PLCB1: variants seen among roughly 807,000 people sequenced by gnomAD.
PLCB1 encodes the protein phospholipase C beta 1.
A neutral mutation model predicts 161.8 loss-of-function variants in PLCB1; 46 were observed. That is an observed-to-expected ratio of 0.28 (90% confidence interval 0.22 to 0.36). The LOEUF is 0.36. PLCB1 is among the 10% of genes least tolerant of loss of function. The pLI is 1.00. For missense variants in PLCB1, 1,016 were observed against 1,472.5 expected (o/e 0.69, Z 5.07); for synonymous variants, 517 against 503.7 (o/e 1.03, Z -0.35).
At chr20:8,783,578 A>T (rs1181794003) in intron 27 of PLCB1, among the ~76,000 whole-genome samples, 3 of 151,958 alleles carry the variant, frequency 2.0e-5, no homozygotes, top group Admixed American at 1.3e-4. Context: ...TATTCTTTTG[A>T]TTGCAAGCCA....
intron 2 of PLCB1, among the ~76,000 whole-genome samples, chr20:8,189,186 A>G (rs1014499429): frequency 3.3e-5 from 5 of 151,724 alleles, no homozygotes; most frequent in African/African-American, 7.3e-5. Context: ...TTCACTTAGC[A>G]TAATGGCTTC....
At chr20:8,158,733 G>T (rs925332205) in intron 2 of PLCB1, among the ~76,000 whole-genome samples, 7 of 152,192 alleles carry the variant, frequency 4.6e-5, no homozygotes, top group African/African-American at 1.7e-4. Context: ...CCAAATGGGA[G>T]AAATTGGCCA....
chr20:8,386,934 A>G (rs189938383), intron 3 of PLCB1, among the ~76,000 whole-genome samples: 5 of 152,312 alleles, frequency 3.3e-5, no homozygotes, highest in Non-Finnish European at 7.4e-5. Context: ...TTTCTTTTGC[A>G]GCTTTCTAGC....
At chr20:8,297,253 A>T (rs1401746717) in intron 2 of PLCB1, among the ~76,000 whole-genome samples, 1 of 152,194 alleles carries the variant, frequency 6.6e-6, no homozygotes, top group East Asian at 1.9e-4. Flanking sequence ...TTATAAGTAT[A>T]AAATGTACGT....
At chr20:8,763,986 G>A (rs1036217468) in intron 25 of PLCB1, among the ~76,000 whole-genome samples, 2 of 151,930 alleles carry the variant, frequency 1.3e-5, no homozygotes, top group East Asian at 2.0e-4. Flanking sequence ...CCAACATGGC[G>A]AAACCCCGTC....
At chr20:8,333,253 A>G (rs1016549426) in intron 2 of PLCB1, among the ~76,000 whole-genome samples, 3 of 152,208 alleles carry the variant, frequency 2.0e-5, no homozygotes, top group African/African-American at 7.2e-5. Flanking sequence ...ATGAATACCC[A>G]CATTGGATTT....
chr20:8,846,886 C>T (rs1986707859), intron 31 of PLCB1, among the ~76,000 whole-genome samples: 2 of 151,982 alleles, frequency 1.3e-5, no homozygotes, highest in South Asian at 4.1e-4. Context: ...TATCCTTCAC[C>T]ATAAGTCCCA....
chr20:8,806,078 A>G (rs1257282376), intron 31 of PLCB1, among the ~76,000 whole-genome samples: 3 of 152,216 alleles, frequency 2.0e-5, no homozygotes, highest in Non-Finnish European at 2.9e-5. Flanking sequence ...GGCATTAAAC[A>G]TCACAGGCAG....
rs142790355 is a variant in PLCB1 at position 8,548,885 on chromosome 20, G to A, written c.247-79409G>A. 8.9e-4 allele frequency among the ~76,000 whole-genome samples: 135 copies of A among 152,280 alleles called. 1 individual carries two copies. The highest frequency in any genetic ancestry group is 4.8e-3 in the Admixed American group (73 of 15,288). On this transcript the variant is annotated intron_variant, in intron 3 of 31. Coordinates refer to ENST00000338037, the MANE Select transcript of PLCB1 (RefSeq NM_015192.4). Reference sequence around the variant, plus strand: ...ATGTTGATCAAGAAGTAACCACTGCGAAATATTGGATGCCAAGAAAATAAG... The same window carrying A: ...ATGTTGATCAAGAAGTAACCACTGCAAAATATTGGATGCCAAGAAAATAAG...
intron 8 of PLCB1, among the ~76,000 whole-genome samples, chr20:8,657,869 A>G (rs950369182): frequency 1.3e-5 from 2 of 152,158 alleles, no homozygotes; most frequent in African/African-American, 4.8e-5. Context: ...ACAGAAAATC[A>G]ATACAAAATG....
chr20:8,432,035 G>T (rs143378756), intron 3 of PLCB1, among the ~76,000 whole-genome samples: 146 of 152,194 alleles, frequency 9.6e-4, no homozygotes, highest in Middle Eastern at 6.8e-3. Context: ...ATGTGGTGGT[G>T]GGGGTGGGAG....
At chr20:8,629,979 TTTCTTTCTTTCTTTCTTTC>T (rs1199216736) in intron 4 of PLCB1, among the ~76,000 whole-genome samples, 2 of 39,944 alleles carry the variant, frequency 5.0e-5, no homozygotes, top group African/African-American at 2.4e-4. Flanking sequence ...TCTTTCTTTC[TTTCTTTCTTTCTTTCTTTC>T]TTTCTTTCTT....
chr20:8,230,015 C>T (rs1600248323), intron 2 of PLCB1, among the ~76,000 whole-genome samples: 1 of 130,290 alleles, frequency 7.7e-6, no homozygotes, highest in East Asian at 2.6e-4. Flanking sequence ...ATGATCACAT[C>T]ACCACACTTC....
At chr20:8,671,371 G>T (rs941843245) in intron 9 of PLCB1, among the ~76,000 whole-genome samples, 4 of 152,070 alleles carry the variant, frequency 2.6e-5, no homozygotes, top group Admixed American at 6.5e-5. Context: ...CCTCATGTTG[G>T]CATGACAAGT....
At chr20:8,327,016 G>A (rs1985181252) in intron 2 of PLCB1, among the ~76,000 whole-genome samples, 2 of 152,218 alleles carry the variant, frequency 1.3e-5, no homozygotes, top group Admixed American at 1.3e-4. Context: ...CTCCTGAGTA[G>A]CTGGGACTAC....
chr20:8,396,694 G>T (rs1046878490), intron 3 of PLCB1, among the ~76,000 whole-genome samples: 1 of 151,958 alleles, frequency 6.6e-6, no homozygotes, highest in African/African-American at 2.4e-5. Context: ...AGTTGCCTTC[G>T]TGGTTTAGTA....
chr20:8,778,018 C>T (rs1409133362), intron 27 of PLCB1, among the ~76,000 whole-genome samples: 1 of 152,112 alleles, frequency 6.6e-6, no homozygotes, highest in African/African-American at 2.4e-5. Flanking sequence ...TACCTCCCAC[C>T]AGGTCCCGCC....
chr20:8,856,678 A>AT (rs1232301245), intron 31 of PLCB1, among the ~76,000 whole-genome samples: 1 of 152,228 alleles, frequency 6.6e-6, no homozygotes, highest in African/African-American at 2.4e-5. Flanking sequence ...TATTCAGTGT[A>AT]TATGAAGAGT....
intron 3 of PLCB1, among the ~76,000 whole-genome samples, chr20:8,601,268 A>G (rs1404273998): frequency 6.6e-6 from 1 of 152,194 alleles, no homozygotes; most frequent in Non-Finnish European, 1.5e-5. Context: ...GGTTTGTTAC[A>G]TAGGTAAACT....
Sources: allele counts gnomAD v4.1 joint callset (sites outside exome capture counted in the v4.1 genomes callset), GRCh38; gene constraint gnomAD v4.1.1; transcripts MANE v1.5; gene names NCBI Gene and HGNC (gene_info 2026-07-23, HGNC 2026-07-21).